The following CDCP1 variants were observed in gnomAD, a reference collection of about 807,000 sequenced individuals.
The protein encoded by CDCP1 is CUB domain-containing protein 1.
A neutral mutation model predicts 60.2 loss-of-function variants in CDCP1; 29 were observed. That is an observed-to-expected ratio of 0.48 (90% CI 0.36 to 0.66). The LOEUF (loss-of-function observed/expected upper bound fraction) is 0.66. Among genes scored for constraint, CDCP1 ranks in the 30% least tolerant of loss-of-function variants. The pLI, the probability that CDCP1 is intolerant of heterozygous loss-of-function variation, is 0.00. For synonymous variants in CDCP1, 387 were observed against 431.1 expected (o/e 0.90, Z 1.27); for missense variants, 876 against 1,074.3 (o/e 0.82, Z 2.58).
At chr3:45,108,865 G>GTATACA (rs1483356670) in intron 4 of CDCP1, among the ~76,000 whole-genome samples, 1 of 37,274 alleles carries the variant, frequency 2.7e-5, no homozygotes, top group South Asian at 1.2e-3. Flanking sequence ...ATATATGCAT[G>GTATACA]TATATATATA....
At chr3:45,116,384 T>A (rs889665589) in intron 2 of CDCP1, among the ~76,000 whole-genome samples, 1 of 149,934 alleles carries the variant, frequency 6.7e-6, no homozygotes, top group African/African-American at 2.5e-5. Context: ...CACTCTGTAA[T>A]AGAAGAGTTG....
At position 45,082,894 on chromosome 3, in the gene CDCP1, G is replaced by A. The variant is rs1698127332; in HGVS notation, c.*2744C>T. 1 of 152,270 alleles carries A rather than the reference G, an allele frequency of 6.6e-6. No homozygotes were observed. Among genetic ancestry groups the A allele is most frequent in the Admixed American group, 6.5e-5 (1 of 15,288 alleles). 9.4% of individuals were successfully genotyped at this position (152,270 alleles called of 1,614,324 possible). On this transcript the variant is annotated 3_prime_UTR_variant, in exon 9 of 9. Coordinates refer to ENST00000296129, the MANE Select transcript of CDCP1 (RefSeq NM_022842.5). ...GCCTGGGCTTTAAAGAAAAGAGCCA[G>A]GGTTCCTCAGGCTGGGCCCCTTCAC...
At chr3:45,103,177 T>C (rs987756376) in intron 4 of CDCP1, among the ~76,000 whole-genome samples, 1 of 152,196 alleles carries the variant, frequency 6.6e-6, no homozygotes, top group Non-Finnish European at 1.5e-5. Flanking sequence ...ATTTTCTGAT[T>C]TCTATCACTG....
intron 5 of CDCP1, among the ~76,000 whole-genome samples, chr3:45,094,990 G>A (rs905720824): frequency 2.0e-5 from 3 of 150,656 alleles, no homozygotes; most frequent in Admixed American, 6.6e-5. Context: ...GCTAGAGTGC[G>A]TGGTGCAATC....
In CDCP1 at chr3:45,110,792, C is replaced by T. The variant is rs1440234424; in HGVS notation, c.705G>A (p.Leu235=). 1 of 1,614,060 alleles carries T rather than the reference C, an allele frequency of 6.2e-7. No homozygotes were observed. Among genetic ancestry groups the T allele is most frequent in the Non-Finnish European group, 8.5e-7 (1 of 1,180,006 alleles). Residue 235 remains leucine, a synonymous_variant, in exon 4 of 9, where the codon CTG becomes CTA. Coordinates refer to ENST00000296129, the MANE Select transcript of CDCP1 (RefSeq NM_022842.5). The part of the protein sequence containing the change: ...SVFEGEGSAT[L]MSANYPEGFP... ...AGCCTTCTGGGTAGTTGGCAGACAT[C>T]AGGGTTGCTGAGCCTTCACCCTCAA... is the stretch of plus-strand genomic sequence containing the variant.
chr3:45,099,288 G>T (rs932284444), intron 4 of CDCP1, among the ~76,000 whole-genome samples: 1 of 151,902 alleles, frequency 6.6e-6, no homozygotes, highest in African/African-American at 2.4e-5. Context: ...AAAATTCTAG[G>T]TTGGAAATAA....
intron 2 of CDCP1, among the ~76,000 whole-genome samples, chr3:45,117,297 A>G (rs1380189146): frequency 6.6e-6 from 1 of 152,190 alleles, no homozygotes. Context: ...CCCAAGCTCA[A>G]ATTATGAATA....
chr3:45,097,137 A>T (rs1698413449), intron 4 of CDCP1, among the ~76,000 whole-genome samples: 1 of 151,890 alleles, frequency 6.6e-6, no homozygotes, highest in Non-Finnish European at 1.5e-5. Context: ...GTGAAACCTC[A>T]TCAATACTAA....
intron 4 of CDCP1, among the ~76,000 whole-genome samples, chr3:45,107,343 A>T (rs952020752): frequency 5.3e-5 from 8 of 151,888 alleles, no homozygotes; most frequent in Non-Finnish European, 1.2e-4. Flanking sequence ...AGTAGCTGGG[A>T]CTACAGGTGC....
chr3:45,094,631 G>C (rs1698363495), intron 5 of CDCP1, among the ~76,000 whole-genome samples: 1 of 150,386 alleles, frequency 6.6e-6, no homozygotes, highest in Non-Finnish European at 1.5e-5. Flanking sequence ...AAAATAGAAC[G>C]AGTCAAAGTT....
rs1698284549 is a variant in CDCP1 at position 45,091,117 on chromosome 3, C to T, written c.1993+56G>A. On this transcript the variant is annotated intron_variant, in intron 7 of 8. Coordinates refer to ENST00000296129, the MANE Select transcript of CDCP1 (RefSeq NM_022842.5). This position sits in a 1 kb window ranked among gnomAD's most constrained non-coding sequence, Gnocchi z 4.8. Reference sequence around the variant, plus strand: ...CTTGTCTCCAGGCTTGCTCTCTATCCTCCAGCTGACAATTTTTTGTTCATC... The same window carrying T: ...CTTGTCTCCAGGCTTGCTCTCTATCTTCCAGCTGACAATTTTTTGTTCATC... The T allele has an allele frequency of 3.2e-6, 5 of 1,558,270 alleles. No individual in the cohort carries two copies. Among genetic ancestry groups the T allele is most frequent in the Middle Eastern group, 2.0e-4 (1 of 4,952 alleles).
At chr3:45,103,490 G>A (rs1313390288) in intron 4 of CDCP1, among the ~76,000 whole-genome samples, 3 of 152,186 alleles carry the variant, frequency 2.0e-5, no homozygotes, top group African/African-American at 4.8e-5. Flanking sequence ...TTTCTCTTGA[G>A]TAAATACCTA....
rs1559405242 is a variant in CDCP1, at chr3:45,146,109, T to TCCGCACCCA, written c.82+96_82+97insTGGGTGCGG. ...CCCTCTCTCCGCACCCTCCGCACCC[T>TCCGCACCCA]CCGCACCCTGCGTCCCTCGGCCGCA... On this transcript the variant is annotated intron_variant, in intron 1 of 8. Transcript: ENST00000296129. 20 of 1,173,208 alleles carry TCCGCACCCA rather than the reference T, an allele frequency of 1.7e-5. No homozygotes were observed. In the African/African-American group the frequency reaches 2.9e-4, roughly 17 times the overall value. The allele number at this position is 1,173,208 out of a possible 1,614,324, so 72.7% of individuals were successfully genotyped here.
intron 1 of CDCP1, among the ~76,000 whole-genome samples, chr3:45,127,441 C>A (rs1287048678): frequency 1.3e-5 from 2 of 152,122 alleles, no homozygotes; most frequent in Non-Finnish European, 2.9e-5. Context: ...GATTCTAGAA[C>A]AAAGCACTGG....
Position 45,093,404 on chromosome 3 carries a change from C to T in CDCP1, c.1500G>A (p.Pro500=), listed in dbSNP as rs374495391. ...SQDLYFGSFC[P]GGSIKQIQVK... Reference sequence around the variant, plus strand: ...CCTGGATCTGCTTGATAGAGCCTCCCGGGCAGAAGGAGCCGAAGTACAGGT... The same window carrying T: ...CCTGGATCTGCTTGATAGAGCCTCCTGGGCAGAAGGAGCCGAAGTACAGGT... Residue 500 remains proline (P), a synonymous_variant, in exon 6 of 9, where the codon CCG becomes CCA. Transcript: ENST00000296129. The T allele has an allele frequency of 1.8e-5, 29 of 1,614,168 alleles. No homozygotes were observed. The highest frequency in any genetic ancestry group is 1.1e-4 in the East Asian group (5 of 44,860).
At chr3:45,119,223 G>T (rs769968103) in intron 1 of CDCP1, among the ~76,000 whole-genome samples, 5 of 152,176 alleles carry the variant, frequency 3.3e-5, no homozygotes, top group Non-Finnish European at 5.9e-5. Flanking sequence ...TATTATCTCA[G>T]ATTGGGGTTT....
intron 1 of CDCP1, among the ~76,000 whole-genome samples, chr3:45,141,046 C>G (rs1181716003): frequency 2.6e-5 from 4 of 152,068 alleles, no homozygotes; most frequent in Non-Finnish European, 5.9e-5. Flanking sequence ...ACTAAAAATA[C>G]AAAAATTAGC....
intron 4 of CDCP1, among the ~76,000 whole-genome samples, chr3:45,107,423 G>C (rs1308335223): frequency 6.6e-6 from 1 of 151,982 alleles, no homozygotes; most frequent in East Asian, 1.9e-4. Context: ...GGCCAGGCTG[G>C]TCTCAAACTC....
At chr3:45,095,969 A>T (rs1430834980) in intron 4 of CDCP1, among the ~76,000 whole-genome samples, 2 of 152,246 alleles carry the variant, frequency 1.3e-5, no homozygotes, top group Admixed American at 6.5e-5. Flanking sequence ...AATATTTAAA[A>T]TATAGAAAGT....
Sources: allele counts gnomAD v4.1 joint callset (sites outside exome capture counted in the v4.1 genomes callset), GRCh38; gene constraint gnomAD v4.1.1; non-coding constraint Gnocchi (gnomAD v3.1); transcripts MANE v1.5; gene names NCBI Gene and HGNC (gene_info 2026-07-23, HGNC 2026-07-21).